Variants in GINS1 observed in about 807,000 individuals in gnomAD.
GINS1 encodes the protein DNA replication complex GINS protein PSF1.
A neutral mutation model predicts 34.9 loss-of-function variants in GINS1; 26 were observed. That is an observed-to-expected ratio of 0.74 (90% CI 0.55 to 1.03). The LOEUF is 1.03. GINS1 is among the 50% of genes least tolerant of loss of function. The pLI is 0.00. For missense variants in GINS1, 235 were observed against 237.9 expected (o/e 0.99, Z 0.08); for synonymous variants, 97 against 84.4 (o/e 1.15, Z -0.82).
intron 4 of GINS1, chr20:25,420,746 C>A: frequency 2.5e-6 from 1 of 402,700 alleles, no homozygotes; most frequent in Non-Finnish European, 3.3e-6. Flanking sequence ...CGCACCACTG[C>A]ACTCTGGTCT....
At chr20:25,410,350 AAAAAGT>A (rs1298101873) in intron 1 of GINS1, among the ~76,000 whole-genome samples, 1 of 151,976 alleles carries the variant, frequency 6.6e-6, no homozygotes, top group Non-Finnish European at 1.5e-5. Context: ...CAAAAAAAAA[AAAAAGT>A]TGTAGAATCA....
At position 25,418,212 on chromosome 20, in the gene GINS1, C is replaced by T; in HGVS notation, c.330+17C>T. On this transcript the variant is annotated intron_variant, in intron 4 of 6. Coordinates refer to ENST00000262460, the MANE Select transcript of GINS1 (RefSeq NM_021067.5). The stretch of plus-strand genomic sequence containing the variant: ...GCTGAAGAAGTGAGTTAGCATTGTT[C>T]AAGTTTATAAATTTTGAAAATGCTA... The T allele has an allele frequency of 7.1e-7, 1 of 1,402,726 alleles. No homozygotes were observed. The highest frequency in any genetic ancestry group is 1.0e-6 in the Non-Finnish European group (1 of 985,714). 86.9% of individuals were successfully genotyped at this position (1,402,726 alleles called of 1,614,324 possible).
chr20:25,445,549 G>A (rs142659772), intron 6 of GINS1, among the ~76,000 whole-genome samples: 5,258 of 152,178 alleles, frequency 0.035, 264 homozygotes, highest in African/African-American at 0.12. Context: ...GGGTTTCACC[G>A]TGTTAGCCAG....
intron 5 of GINS1, among the ~76,000 whole-genome samples, chr20:25,437,629 A>T (rs1341759904): frequency 6.6e-6 from 1 of 152,252 alleles, no homozygotes; most frequent in Non-Finnish European, 1.5e-5. Flanking sequence ...TCCAGGAGTT[A>T]TTTACATTAC....
At chr20:25,424,704 T>C (rs2090380505) in intron 4 of GINS1, among the ~76,000 whole-genome samples, 1 of 152,226 alleles carries the variant, frequency 6.6e-6, no homozygotes. Context: ...TACAGGTTTT[T>C]CATATGAGTA....
At chr20:25,435,434 A>G (rs2090448734) in intron 5 of GINS1, among the ~76,000 whole-genome samples, 1 of 152,092 alleles carries the variant, frequency 6.6e-6, no homozygotes, top group Admixed American at 6.6e-5. Flanking sequence ...GGCTAGGACT[A>G]GTGGCGCATA....
chr20:25,412,488 G>A (rs1433328367), intron 1 of GINS1, among the ~76,000 whole-genome samples: 1 of 152,032 alleles, frequency 6.6e-6, no homozygotes, highest in East Asian at 1.9e-4. Flanking sequence ...CCAGGAGGCA[G>A]AGGTTGCAGT....
At position 25,413,818 on chromosome 20, in the gene GINS1, A is replaced by G. The variant is rs140932797; in HGVS notation, c.104A>G (p.Glu35Gly). The change falls in exon 2 of 7, where the codon GAG becomes GGG. Residue 35 changes from glutamate (E) to glycine (G), a missense_variant. Glu to Gly is a moderately conservative substitution (Grantham distance 98). Transcript: ENST00000262460. ...NEDGLRQVLEEMKALYEQNQS... is the reference protein window; with the variant it reads ...NEDGLRQVLEGMKALYEQNQS... ...GATGGACTCAGACAAGTTCTGGAGG[A>G]GATGAAAGCTTTGTATGAACAAAAC... 1,267 of 1,586,188 alleles carry G rather than the reference A, an allele frequency of 8.0e-4. 14 individuals carry two copies. The African/African-American group carries it at 0.015, about 19-fold the overall frequency.
At chr20:25,408,052 G>A (rs1272325665) in intron 1 of GINS1, among the ~76,000 whole-genome samples, 157 bp downstream of exon 1, 4 of 152,270 alleles carry the variant, frequency 2.6e-5, no homozygotes, top group Non-Finnish European at 5.9e-5. Flanking sequence ...GAAAGAGAAA[G>A]CATTCATGCT....
At chr20:25,445,359 T>C (rs2090505624) in intron 6 of GINS1, among the ~76,000 whole-genome samples, 2 of 151,750 alleles carry the variant, frequency 1.3e-5, no homozygotes, top group Admixed American at 6.6e-5. Flanking sequence ...TTTTTTTTTT[T>C]TTTTTGTGAC....
intron 4 of GINS1, among the ~76,000 whole-genome samples, chr20:25,424,002 AG>A (rs1373054439): frequency 6.6e-6 from 1 of 152,174 alleles, no homozygotes; most frequent in Non-Finnish European, 1.5e-5. Context: ...ATACTACAGG[AG>A]GCATGCTTCA....
chr20:25,423,251 C>G (rs1333266928), intron 4 of GINS1, among the ~76,000 whole-genome samples: 1 of 150,794 alleles, frequency 6.6e-6, no homozygotes, highest in Non-Finnish European at 1.5e-5. Flanking sequence ...GTAGCTGGGA[C>G]TACAGGTGTG....
intron 5 of GINS1, among the ~76,000 whole-genome samples, chr20:25,441,467 C>G (rs1827078419): frequency 6.6e-6 from 1 of 152,120 alleles, no homozygotes; most frequent in African/African-American, 2.4e-5. Flanking sequence ...CCTGCATCGC[C>G]TTGCTGTCAG....
intron 4 of GINS1, chr20:25,420,781 CAAAAAAAAAAAAAAAG>C (rs1419004940): frequency 1.6e-5 from 10 of 618,662 alleles, no homozygotes; most frequent in Non-Finnish European, 2.0e-5. Flanking sequence ...GACCCTGTCT[CAAAAAAAAAAAAAAAG>C]AAAAAAAGAA....
chr20:25,434,095 G>A (rs909838560), intron 5 of GINS1, among the ~76,000 whole-genome samples: 6 of 151,890 alleles, frequency 4.0e-5, no homozygotes, highest in Admixed American at 1.3e-4. Context: ...ACCAGCCTGG[G>A]CAACATGGCA....
At chr20:25,413,680 T>G in intron 1 of GINS1, 110 bp from the exon 2 acceptor site, 1 of 718,856 alleles carries the variant, frequency 1.4e-6, no homozygotes, top group Middle Eastern at 2.4e-4. Context: ...AAAGGACTAT[T>G]GCTTTTTGCT....
chr20:25,424,353 A>G (rs978708569), intron 4 of GINS1, among the ~76,000 whole-genome samples: 3 of 152,202 alleles, frequency 2.0e-5, no homozygotes, highest in Non-Finnish European at 4.4e-5. Context: ...TTGAGATTGA[A>G]TTGAATCTAT....
chr20:25,420,520 A>T (rs1303512028), intron 4 of GINS1, among the ~76,000 whole-genome samples: 1 of 152,168 alleles, frequency 6.6e-6, no homozygotes, highest in African/African-American at 2.4e-5. Flanking sequence ...TTTGTGAATT[A>T]CTGCAAAACT....
intron 5 of GINS1, among the ~76,000 whole-genome samples, chr20:25,432,724 C>T (rs529984774): frequency 5.3e-5 from 8 of 152,120 alleles, no homozygotes; most frequent in Admixed American, 5.2e-4. Context: ...ACCTCGGCCT[C>T]CCAAAGTGCT....
Sources: gnomAD v4.1 joint callset for allele counts (sites outside exome capture counted in the v4.1 genomes callset) on GRCh38, gnomAD v4.1.1 for gene constraint, MANE v1.5 for transcripts, NCBI Gene and HGNC (gene_info 2026-07-23, HGNC 2026-07-21) for gene names.